CPSF3: variants seen among roughly 807,000 people sequenced by gnomAD.
The protein encoded by CPSF3 is cleavage and polyadenylation specificity factor subunit 3.
Under a neutral mutation model 84.1 loss-of-function variants are expected in CPSF3, and 57 were observed. The ratio of observed to expected loss-of-function variants is 0.68; its 90% CI spans 0.55 to 0.85. The LOEUF (loss-of-function observed/expected upper bound fraction) is 0.85. CPSF3 is among the 40% of genes least tolerant of loss of function. The pLI, the probability that CPSF3 is intolerant of heterozygous loss-of-function variation, is 0.00. For synonymous variants in CPSF3, 275 were observed against 278.1 expected (o/e 0.99, Z 0.11); for missense variants, 522 against 838.8 (o/e 0.62, Z 4.66).
At chr2:9,452,423 A>G (rs1346137966) in intron 11 of CPSF3, among the ~76,000 whole-genome samples, 1 of 152,038 alleles carries the variant, frequency 6.6e-6, no homozygotes, top group Non-Finnish European at 1.5e-5. Flanking sequence ...TTCTCCCTCA[A>G]TGTATGAGCT....
chr2:9,427,952 A>G (rs569219716), intron 1 of CPSF3, among the ~76,000 whole-genome samples: 2 of 152,256 alleles, frequency 1.3e-5, no homozygotes, highest in East Asian at 3.9e-4. Context: ...TAGAAGAAAA[A>G]GTGATTGAAA....
chr2:9,435,664 G>A (rs11680995), intron 6 of CPSF3, among the ~76,000 whole-genome samples: 24,735 of 150,924 alleles, frequency 0.16, 2,207 homozygotes, highest in Middle Eastern at 0.28. Context: ...TGATCCACCC[G>A]CCTCGGCCTT....
intron 10 of CPSF3, among the ~76,000 whole-genome samples, chr2:9,444,161 T>A (rs935950201): frequency 6.7e-4 from 96 of 143,204 alleles, no homozygotes; most frequent in African/African-American, 1.5e-3. Flanking sequence ...TATATATATT[T>A]TTTTTTTTTT....
chr2:9,441,227 TA>T (rs1680951626), intron 8 of CPSF3, among the ~76,000 whole-genome samples: 1 of 152,250 alleles, frequency 6.6e-6, no homozygotes, highest in African/African-American at 2.4e-5. Context: ...TTATTTAATT[TA>T]AAAAATACTG....
In CPSF3 at chr2:9,466,408, GCA is replaced by G. The variant is rs200497366; in HGVS notation, c.1787-1293_1787-1292del. On this transcript the variant is annotated intron_variant, in intron 15 of 17. Transcript: ENST00000238112. Reference sequence around the variant, plus strand: ...CACACACGCGCACACACACGCACGCGCACACACGCACACGCGCACACACGCGC... The same window carrying G: ...CACACACGCGCACACACACGCACGCGCACACGCACACGCGCACACACGCGC... Among the ~76,000 whole-genome samples the G allele has an allele frequency of 6.0e-3, 842 of 140,086 alleles. 11 individuals carry two copies. Among genetic ancestry groups the G allele is most frequent in the African/African-American group, 0.022 (786 of 36,010 alleles). The allele number at this position is 140,086 out of a possible 152,430, so 91.9% of individuals were successfully genotyped here. A position where few individuals can be genotyped will look rare whatever the true frequency, so the allele number is the denominator to read the frequency against.
intron 1 of CPSF3, chr2:9,424,069 A>G (rs991106559): frequency 9.0e-6 from 11 of 1,217,478 alleles, no homozygotes; most frequent in Non-Finnish European, 1.1e-5. Context: ...TGGAGTCGGA[A>G]AAAAAAAAGT....
At chr2:9,423,895 T>G in intron 1 of CPSF3, 72 bp downstream of exon 1, 1 of 1,575,944 alleles carries the variant, frequency 6.3e-7, no homozygotes, top group Admixed American at 1.9e-5. Flanking sequence ...GAGACTGGCC[T>G]CCTCCGTCGC....
chr2:9,436,836 C>CT (rs1483273923), intron 7 of CPSF3, among the ~76,000 whole-genome samples: 2 of 149,156 alleles, frequency 1.3e-5, no homozygotes, highest in Non-Finnish European at 1.5e-5. Context: ...AACAGCAACT[C>CT]TCATGCACTG....
intron 10 of CPSF3, among the ~76,000 whole-genome samples, chr2:9,446,926 G>C (rs2124833447): frequency 6.6e-6 from 1 of 152,290 alleles, no homozygotes; most frequent in Non-Finnish European, 1.5e-5. Context: ...TGGAAAGACT[G>C]CCCAGAAGTT....
At position 9,430,736 on chromosome 2, in the gene CPSF3, C is replaced by A; in HGVS notation, c.213-16C>A. 6.3e-7 allele frequency: 1 copy of A among 1,596,014 alleles called. No homozygotes were observed. The highest frequency in any genetic ancestry group is 1.4e-5 in the African/African-American group (1 of 73,712). On this transcript the variant is annotated splice_polypyrimidine_tract_variant and intron_variant, in intron 3 of 17. Transcript: ENST00000238112. ...ATAATAATTTTAAGAATTAATGCAGCCTCTTTCTTTTTAAGTTTCCATTTG... is the reference window on the plus strand; with the variant it reads ...ATAATAATTTTAAGAATTAATGCAGACTCTTTCTTTTTAAGTTTCCATTTG...
chr2:9,444,718 G>A (rs1169277101), intron 10 of CPSF3, among the ~76,000 whole-genome samples: 3 of 152,074 alleles, frequency 2.0e-5, no homozygotes, highest in Admixed American at 1.3e-4. Flanking sequence ...AGGCTGGAGT[G>A]CAGTGGCGCC....
Position 9,455,640 on chromosome 2 carries a change from C to T in CPSF3, c.1505-19C>T. ...GTAGGACTAGTATTTCTTCAAGTCT[C>T]TTCTCATTTTCTCTTCAGATTATAC... On this transcript the variant is annotated intron_variant, in intron 12 of 17. Transcript: ENST00000238112. 1 of 1,577,450 alleles carries T rather than the reference C, an allele frequency of 6.3e-7. No individual in the cohort carries two copies. The highest frequency in any genetic ancestry group is 1.4e-5 in the African/African-American group (1 of 73,948).
chr2:9,457,142 A>AGT, intron 14 of CPSF3, 115 bp downstream of exon 14: 1 of 476,540 alleles, frequency 2.1e-6, no homozygotes. Context: ...ATTGTTGGAA[A>AGT]GTATATGTGT....
intron 15 of CPSF3, among the ~76,000 whole-genome samples, chr2:9,462,869 G>A (rs139804205): frequency 6.6e-4 from 100 of 152,294 alleles, no homozygotes; most frequent in Admixed American, 1.8e-3. Flanking sequence ...CGTGTGTTCC[G>A]TGTATTTAGC....
At position 9,440,568 on chromosome 2, in the gene CPSF3, GCAGTGTAC is replaced by G; in HGVS notation, c.842_849del (p.Val281AspfsTer8). On this transcript the variant is annotated frameshift_variant, in exon 8 of 18. Transcript: ENST00000238112. LOFTEE classifies it high-confidence loss of function. ...ATCATCTTTGGCCAAGAAGTGTATGGCAGTGTACCAGACATATGTAAATGCCATGAATG... is the reference window on the plus strand; with the variant it reads ...ATCATCTTTGGCCAAGAAGTGTATGGCAGACATATGTAAATGCCATGAATG... 1 of 1,614,040 alleles carries G rather than the reference GCAGTGTAC, an allele frequency of 6.2e-7. No individual in the cohort carries two copies. The highest frequency in any genetic ancestry group is 8.5e-7 in the Non-Finnish European group (1 of 1,179,950).
At chr2:9,448,058 AAAAGTAGT>A in intron 10 of CPSF3, 132 bp from the exon 11 acceptor site, 1 of 478,006 alleles carries the variant, frequency 2.1e-6, no homozygotes, top group Non-Finnish European at 3.6e-6. Context: ...GGAGGTCCTT[AAAAGTAGT>A]AAAGTTTCAT....
At chr2:9,443,442 G>T in intron 9 of CPSF3, 73 bp from the exon 10 acceptor site, 1 of 1,474,886 alleles carries the variant, frequency 6.8e-7, no homozygotes, top group Non-Finnish European at 9.2e-7. Flanking sequence ...ATGACTGCAT[G>T]AAAAAAATGA....
At chr2:9,424,140 C>G in intron 1 of CPSF3, 2 of 1,090,522 alleles carry the variant, frequency 1.8e-6, no homozygotes. Context: ...AGCACAAGCA[C>G]GGATCTCTGC....
intron 17 of CPSF3, among the ~76,000 whole-genome samples, chr2:9,472,540 C>T (rs1307784231): frequency 6.6e-6 from 1 of 152,046 alleles, no homozygotes; most frequent in Non-Finnish European, 1.5e-5. Flanking sequence ...CTCAAGTCAT[C>T]ACTAATTAGG....
Sources: gnomAD v4.1 joint callset for allele counts (sites outside exome capture counted in the v4.1 genomes callset) on GRCh38, gnomAD v4.1.1 for gene constraint, MANE v1.5 for transcripts, NCBI Gene and HGNC (gene_info 2026-07-23, HGNC 2026-07-21) for gene names.